The following PHKB variants were observed in gnomAD, a reference collection of about 807,000 sequenced individuals.
PHKB encodes the protein phosphorylase kinase regulatory subunit beta.
Under a neutral mutation model 152.1 loss-of-function variants are expected in PHKB, and 122 were observed. The observed-to-expected ratio is 0.80, with a 90% CI of 0.69 to 0.93. The LOEUF (loss-of-function observed/expected upper bound fraction) is 0.93, where lower values mean the gene tolerates loss of function less well. PHKB is among the 40% of genes least tolerant of loss of function. The probability of loss-of-function intolerance (pLI) is 0.00; values close to 1 mark genes in which losing one functional copy is unlikely to be tolerated. For synonymous variants in PHKB, 436 were observed against 464.9 expected, an observed-to-expected ratio of 0.94 and a Z score of 0.80; for missense variants, 1,304 against 1,328.4, an observed-to-expected ratio of 0.98 and a Z score of 0.29.
chr16:47,646,603 T>C (rs981574825), intron 16 of PHKB, among the ~76,000 whole-genome samples: 3 of 128,904 alleles, frequency 2.3e-5, no homozygotes, highest in African/African-American at 9.0e-5. Flanking sequence ...TTACAGAACA[T>C]ACAAAGAGTC....
At chr16:47,601,348 C>T (rs1972222438) in intron 13 of PHKB, among the ~76,000 whole-genome samples, 1 of 152,252 alleles carries the variant, frequency 6.6e-6, no homozygotes, top group South Asian at 2.1e-4. Context: ...CATTATATAA[C>T]TTTAATATAT....
chr16:47,524,393 A>G (rs906765845), intron 6 of PHKB, among the ~76,000 whole-genome samples: 1 of 152,214 alleles, frequency 6.6e-6, no homozygotes, highest in African/African-American at 2.4e-5. Flanking sequence ...ATACTTTAAT[A>G]TGCTGCATAC....
Position 47,594,225 on chromosome 16 carries a change from T to C in PHKB, c.1204+11T>C, listed in dbSNP as rs746945504. The C allele has an allele frequency of 6.4e-6, 9 of 1,414,512 alleles. No homozygotes were observed. Among genetic ancestry groups the C allele is most frequent in the Non-Finnish European group, 9.0e-6 (9 of 998,622 alleles). The allele number at this position is 1,414,512 out of a possible 1,614,324, so 87.6% of individuals were successfully genotyped here. On this transcript the variant is annotated intron_variant, in intron 12 of 30. Transcript: ENST00000323584. ...ATCATACCACAGAAGGTATAGTTGT[T>C]TTTTTAAGAAATTCTTCCTACCAAC... is the stretch of plus-strand genomic sequence containing the variant.
intron 14 of PHKB, among the ~76,000 whole-genome samples, chr16:47,639,411 TTC>T (rs1323878423): frequency 6.6e-6 from 1 of 152,214 alleles, no homozygotes; most frequent in African/African-American, 2.4e-5. Context: ...GCTGAATTCT[TTC>T]TCTCAATGGT....
chr16:47,517,824 T>TA (rs1297187554), intron 6 of PHKB, among the ~76,000 whole-genome samples: 1 of 152,202 alleles, frequency 6.6e-6, no homozygotes, highest in African/African-American at 2.4e-5. Flanking sequence ...GTGAAGTTTT[T>TA]ATGCAGCTAA....
intron 14 of PHKB, among the ~76,000 whole-genome samples, chr16:47,629,933 C>T (rs1336252631): frequency 6.7e-6 from 1 of 150,306 alleles, no homozygotes; most frequent in South Asian, 2.1e-4. Context: ...AACAAAAAAC[C>T]AAACACCGCA....
rs770441670 is a variant in PHKB at position 47,693,557 on chromosome 16, G to C, written c.2895+50G>C. 5.0e-6 allele frequency: 8 copies of C among 1,592,810 alleles called. No individual in the cohort carries two copies. In the Admixed American group the frequency reaches 1.3e-4, roughly 27 times the overall value. ...AAGAAAGGAGACTTCGCAAAGGGTA[G>C]TGAATCCTTTCCTCTTGCACTGCAA... On this transcript the variant is annotated intron_variant, in intron 28 of 30. Transcript: ENST00000323584.
chr16:47,630,113 A>G (rs1972798800), intron 14 of PHKB, among the ~76,000 whole-genome samples: 2 of 152,194 alleles, frequency 1.3e-5, no homozygotes, highest in African/African-American at 4.8e-5. Flanking sequence ...AGCAAGGCAC[A>G]TGTATACATA....
At chr16:47,497,113 A>G (rs780378310) in intron 1 of PHKB, among the ~76,000 whole-genome samples, 1 of 152,192 alleles carries the variant, frequency 6.6e-6, no homozygotes, top group Non-Finnish European at 1.5e-5. Context: ...AGTATTAGTG[A>G]CACTTAGTTG....
intron 1 of PHKB, among the ~76,000 whole-genome samples, chr16:47,473,801 T>A (rs1969822447): frequency 6.6e-6 from 1 of 152,208 alleles, no homozygotes; most frequent in Admixed American, 6.5e-5. Context: ...GGTATATGCT[T>A]ACAGTGTTGG....
At chr16:47,488,957 A>AT (rs949039451) in intron 1 of PHKB, among the ~76,000 whole-genome samples, 2 of 151,894 alleles carry the variant, frequency 1.3e-5, no homozygotes, top group Non-Finnish European at 2.9e-5. Flanking sequence ...AATTAAAAAA[A>AT]TTTTTTTTTC....
intron 6 of PHKB, among the ~76,000 whole-genome samples, chr16:47,524,659 A>G (rs1970737420): frequency 2.6e-5 from 4 of 152,156 alleles, no homozygotes; most frequent in South Asian, 2.1e-4. Flanking sequence ...TCTTTGCAGT[A>G]TCTGTGTATT....
At chr16:47,664,482 C>T (rs1427906502) in intron 24 of PHKB, 5 of 202,990 alleles carry the variant, frequency 2.5e-5, no homozygotes, top group African/African-American at 4.8e-5. Context: ...CAATGAGCCT[C>T]AGGTTTCTAA....
At chr16:47,494,982 G>T (rs560648728) in intron 1 of PHKB, among the ~76,000 whole-genome samples, 1 of 152,264 alleles carries the variant, frequency 6.6e-6, no homozygotes, top group African/African-American at 2.4e-5. Context: ...ATACAATGAT[G>T]ATCACTAAAA....
At chr16:47,601,556 T>C (rs1310317395) in intron 13 of PHKB, among the ~76,000 whole-genome samples, 2 of 151,586 alleles carry the variant, frequency 1.3e-5, no homozygotes, top group Non-Finnish European at 2.9e-5. Flanking sequence ...ATACAAAAAA[T>C]TAGCCAGCCA....
chr16:47,611,000 A>G (rs1439718034), intron 14 of PHKB, 80 bp downstream of exon 14: 3 of 876,816 alleles, frequency 3.4e-6, no homozygotes, highest in East Asian at 2.5e-5. Flanking sequence ...TTTGTTCTGA[A>G]TAGGTTTTTG....
intron 1 of PHKB, among the ~76,000 whole-genome samples, chr16:47,488,343 C>T (rs1486251044): frequency 6.6e-6 from 1 of 152,038 alleles, no homozygotes; most frequent in Admixed American, 6.6e-5. Context: ...GATATTAGAC[C>T]TTTGTTGGAT....
rs1333585288 is a variant in PHKB at position 47,699,973 on chromosome 16, A to C, written c.*607A>C. On this transcript the variant is annotated 3_prime_UTR_variant, in exon 31 of 31. Transcript: ENST00000323584. ...TTTGCTAAATATAGGGGTTGGACTA[A>C]AATATAATAAATCTGTACCTTATCA... The C allele has an allele frequency of 6.3e-6, 1 of 158,150 alleles. No homozygotes were observed. Among genetic ancestry groups the C allele is most frequent in the Non-Finnish European group, 1.4e-5 (1 of 71,424 alleles). 9.8% of individuals were successfully genotyped at this position (158,150 alleles called of 1,614,324 possible).
chr16:47,682,715 C>T (rs1973884808), intron 26 of PHKB, among the ~76,000 whole-genome samples: 1 of 152,192 alleles, frequency 6.6e-6, no homozygotes, highest in Non-Finnish European at 1.5e-5. Context: ...TGAATTTCCT[C>T]CTGTAGCTCG....
Sources: allele counts gnomAD v4.1 joint callset (sites outside exome capture counted in the v4.1 genomes callset), GRCh38; gene constraint gnomAD v4.1.1; transcripts MANE v1.5; gene names NCBI Gene and HGNC (gene_info 2026-07-23, HGNC 2026-07-21).